HNRNPDL: variants seen among roughly 807,000 people sequenced by gnomAD.
The protein encoded by HNRNPDL is heterogeneous nuclear ribonucleoprotein D-like.
Under a neutral mutation model 48.0 loss-of-function variants are expected in HNRNPDL, and 18 were observed. The ratio of observed to expected loss-of-function variants is 0.38; its 90% CI spans 0.26 to 0.56. The LOEUF is 0.56. Ranked by LOEUF, HNRNPDL falls within the 20% of genes least tolerant of loss-of-function variation. The pLI is 0.77. For missense variants in HNRNPDL, 553 were observed against 540.7 expected, an observed-to-expected ratio of 1.02 and a Z score of -0.23; for synonymous variants, 306 against 207.3, an observed-to-expected ratio of 1.48 and a Z score of -4.09.
At position 82,427,186 on chromosome 4, in the gene HNRNPDL, TCACCTCGGCCACGACCCCTCGTAC is replaced by T; in HGVS notation, c.1001_1021+3del. The T allele has an allele frequency of 2.5e-6, 4 of 1,584,942 alleles. No homozygotes were observed. The highest frequency in any genetic ancestry group is 2.2e-5 in the East Asian group (1 of 44,766). ...GGAGTCATATTTCAAGAATTAAGTC[TCACCTCGGCCACGACCCCTCGTAC>T]CACCTCGTCCACCAGCTGCAGCACC... On this transcript the variant is annotated splice_donor_variant and splice_donor_region_variant and coding_sequence_variant and intron_variant, in exon 5 of 8. Coordinates refer to ENST00000295470, the MANE Select transcript of HNRNPDL (RefSeq NM_031372.4). LOFTEE classifies it high-confidence loss of function.
At chr4:82,427,137 C>G (rs763714871) in intron 5 of HNRNPDL, 53 bp downstream of exon 5, 36 of 1,129,386 alleles carry the variant, frequency 3.2e-5, no homozygotes, top group Middle Eastern at 2.0e-4. Context: ...TCATATTCAG[C>G]AGTATACAGC....
In HNRNPDL at chr4:82,429,379, C is replaced by A. The variant is rs1469863347; in HGVS notation, c.312G>T (p.Ala104=). The A allele has an allele frequency of 3.7e-6, 6 of 1,613,484 alleles. No individual in the cohort carries two copies. The highest frequency in any genetic ancestry group is 1.7e-5 in the Admixed American group (1 of 60,006). The change falls in exon 1 of 8, where the codon GCG becomes GCT. Residue 104 remains alanine, a synonymous_variant. Coordinates refer to ENST00000295470, the MANE Select transcript of HNRNPDL (RefSeq NM_031372.4). ...GGGGGTGCTGGCGCGCAGTCCGGGT[C>A]GCGGCAGCAGCGGCGGCGGAGCGTT... ...SIQRSAAAAA[A]TRTARQHPPA...
rs1721302355 is a variant in HNRNPDL at position 82,423,899 on chromosome 4, A to G, written c.*1007T>C. 1.3e-5 allele frequency: 2 copies of G among 152,214 alleles called. No individual in the cohort carries two copies. The highest frequency in any genetic ancestry group is 4.8e-5 in the African/African-American group (2 of 41,444). The allele number at this position is 152,214 out of a possible 1,614,324, so 9.4% of individuals were successfully genotyped here. A position where few individuals can be genotyped will look rare whatever the true frequency, so the allele number is the denominator to read the frequency against. On this transcript the variant is annotated 3_prime_UTR_variant, in exon 8 of 8. Coordinates refer to ENST00000295470, the MANE Select transcript of HNRNPDL (RefSeq NM_031372.4). ...ACTTAGTTCATGCACTGTGTCAAAAACTAGATTTACTATCAAGACTTTTTC... is the reference window on the plus strand; with the variant it reads ...ACTTAGTTCATGCACTGTGTCAAAAGCTAGATTTACTATCAAGACTTTTTC...
chr4:82,428,058 G>A lies in HNRNPDL; in HGVS notation c.734C>T (p.Ser245Phe). ...VFVGGLSPDTSEEQIKEYFGA... is the reference protein window; with the variant it reads ...VFVGGLSPDTFEEQIKEYFGA... ...AAAATATTCTTTAATTTGTTCTTCAGAAGTATCCGGGCTCAATCCACCCAC... is the reference window on the plus strand; with the variant it reads ...AAAATATTCTTTAATTTGTTCTTCAAAAGTATCCGGGCTCAATCCACCCAC... Residue 245 changes from serine to phenylalanine, a missense_variant, in exon 3 of 8, where the codon TCT (serine) becomes TTT (phenylalanine). Physicochemically the swap from Ser to Phe is radical, Grantham distance 155. Transcript: ENST00000295470. The A allele has an allele frequency of 6.2e-7, 1 of 1,614,154 alleles. No homozygotes were observed. Among genetic ancestry groups the A allele is most frequent in the Non-Finnish European group, 8.5e-7 (1 of 1,180,002 alleles).
At chr4:82,428,222 C>T (rs779361183) in intron 2 of HNRNPDL, 43 bp from the exon 3 acceptor site, 1 of 1,607,790 alleles carries the variant, frequency 6.2e-7, no homozygotes, top group Non-Finnish European at 8.5e-7. Context: ...CATATAACCC[C>T]CAGAAAAATT....
intron 7 of HNRNPDL, 65 bp downstream of exon 7, chr4:82,425,967 GTTTCA>G (rs766812584): frequency 4.1e-5 from 43 of 1,048,158 alleles, no homozygotes; most frequent in African/African-American, 9.5e-5. Flanking sequence ...TTGTTTTTAC[GTTTCA>G]TTTGTCTATT....
rs1326622894 is a variant in HNRNPDL, at chr4:82,427,244, C to G, written c.967G>C (p.Gly323Arg). 2 of 1,614,074 alleles carry G rather than the reference C, an allele frequency of 1.2e-6. No homozygotes were observed. Among genetic ancestry groups the G allele is most frequent in the Non-Finnish European group, 1.7e-6 (2 of 1,179,998 alleles). The change falls in exon 5 of 8, where the codon GGT becomes CGT. Residue 323 changes from glycine (G) to arginine (R), a missense_variant. By Grantham distance (125) the Gly-to-Arg change is moderately radical. Transcript: ENST00000295470. ...VYRQQQQQQK[G>R]GRGAAAGGRG... The stretch of plus-strand genomic sequence containing the variant: ...CCACCAGCTGCAGCACCTCTTCCAC[C>G]TTTTTGTTGTTGCTGTTGCTGCCTA...
At position 82,429,522 on chromosome 4, in the gene HNRNPDL, C is replaced by A. The variant is rs775253636; in HGVS notation, c.169G>T (p.Ala57Ser). Residue 57 changes from alanine to serine, a missense_variant, in exon 1 of 8, where the codon GCC (alanine) becomes TCC (serine). Physicochemically the swap from Ala to Ser is moderately conservative, Grantham distance 99. This residue lies in a region of HNRNPDL where 327 missense variants were observed against 203.2 expected (regional missense o/e 1.61). Coordinates refer to ENST00000295470, the MANE Select transcript of HNRNPDL (RefSeq NM_031372.4). ...PSSARQGARR[A>S]QRHVTAQQPS... ...TGCTGGGCGGTGACGTGGCGCTGGG[C>A]CCGGCGCGCCCCCTGCCGGGCGGAG... The A allele has an allele frequency of 5.4e-6, 8 of 1,493,010 alleles. No individual in the cohort carries two copies. The highest frequency in any genetic ancestry group is 1.5e-5 in the African/African-American group (1 of 68,928). The allele number at this position is 1,493,010 out of a possible 1,614,324, so 92.5% of individuals were successfully genotyped here.
At position 82,429,481 on chromosome 4, in the gene HNRNPDL, C is replaced by A; in HGVS notation, c.210G>T (p.Ala70=). 6.3e-7 allele frequency: 1 copy of A among 1,576,526 alleles called. No homozygotes were observed. The highest frequency in any genetic ancestry group is 1.1e-5 in the South Asian group (1 of 88,782). The change falls in exon 1 of 8, where the codon GCG becomes GCT. Residue 70 remains alanine, a synonymous_variant. Transcript: ENST00000295470. The part of the protein sequence containing the change: ...HVTAQQPSRL[A]GGAAIKGGRR... ...GCCCTCCCTTTATAGCCGCCCCGCC[C>A]GCCAATCGGGAGGGCTGCTGGGCGG...
chr4:82,425,012 T>C (rs1181716673), intron 7 of HNRNPDL, 129 bp from the exon 8 acceptor site: 2 of 152,210 alleles, frequency 1.3e-5, no homozygotes, highest in Non-Finnish European at 2.9e-5. Flanking sequence ...TGCATATTTA[T>C]TGGTAAAATA....
chr4:82,427,890 G>A (rs1721484846), intron 3 of HNRNPDL, 128 bp downstream of exon 3: 2 of 910,576 alleles, frequency 2.2e-6, no homozygotes, highest in Admixed American at 2.7e-5. Flanking sequence ...TACAGTCACT[G>A]GAAGCGACTT....
chr4:82,427,338 C>T (rs757487918), intron 4 of HNRNPDL, 34 bp from the exon 5 acceptor site: 2 of 1,534,072 alleles, frequency 1.3e-6, no homozygotes, highest in Non-Finnish European at 1.8e-6. Context: ...ATAATTTTTA[C>T]CGAAGTTCTA....
At position 82,427,322 on chromosome 4, in the gene HNRNPDL, G is replaced by T. The variant is rs1256574983; in HGVS notation, c.907-18C>A. 1 of 1,554,102 alleles carries T rather than the reference G, an allele frequency of 6.4e-7. No individual in the cohort carries two copies. The highest frequency in any genetic ancestry group is 8.7e-7 in the Non-Finnish European group (1 of 1,148,794). ...ATTTCACACTATAAACAAAAAACAT[G>T]AAAGTATAATTTTTACCGAAGTTCT... On this transcript the variant is annotated intron_variant, in intron 4 of 7. Transcript: ENST00000295470.
chr4:82,427,163 A>C (rs769784067), intron 5 of HNRNPDL, 27 bp downstream of exon 5: 2 of 1,381,074 alleles, frequency 1.4e-6, no homozygotes, highest in Non-Finnish European at 1.0e-6. Context: ...TAAACCACGG[A>C]GTCATATTTC....
rs1294153601 is a variant in HNRNPDL, at chr4:82,428,461, G to A, written c.444-15C>T. On this transcript the variant is annotated splice_polypyrimidine_tract_variant and intron_variant, in intron 1 of 7. Coordinates refer to ENST00000295470, the MANE Select transcript of HNRNPDL (RefSeq NM_031372.4). ...TAAACATTTTACTAGAAATAAAAGT[G>A]TTTTTAAAAAAAATTAACAATAACT... is the stretch of plus-strand genomic sequence containing the variant. 43 of 1,563,166 alleles carry A rather than the reference G, an allele frequency of 2.8e-5. No homozygotes were observed. Among genetic ancestry groups the A allele is most frequent in the Non-Finnish European group, 3.7e-5 (42 of 1,149,816 alleles).
Position 82,427,572 on chromosome 4 carries a change from C to T in HNRNPDL, c.775-8G>A. The T allele has an allele frequency of 1.2e-6, 2 of 1,606,928 alleles. No homozygotes were observed. Among genetic ancestry groups the T allele is most frequent in the Non-Finnish European group, 1.7e-6 (2 of 1,178,248 alleles). ...AAGTTCAATATTTTCAATCTGAAAT[C>T]GAGATGCACACTCAACGTCATCCCA... is the stretch of plus-strand genomic sequence containing the variant. On this transcript the variant is annotated splice_region_variant and splice_polypyrimidine_tract_variant and intron_variant, in intron 3 of 7. Transcript: ENST00000295470.
intron 6 of HNRNPDL, 151 bp from the exon 7 acceptor site, chr4:82,426,280 T>G (rs1203459946): frequency 5.8e-6 from 5 of 857,792 alleles, no homozygotes; most frequent in Non-Finnish European, 9.4e-6. Flanking sequence ...AAATCATACA[T>G]CCTAGTTCAT....
rs1291155045 is a variant in HNRNPDL at position 82,422,859 on chromosome 4, G to C, written c.*2047C>G. The C allele has an allele frequency of 1.3e-5, 2 of 152,178 alleles. No homozygotes were observed. The highest frequency in any genetic ancestry group is 2.4e-5 in the African/African-American group (1 of 41,440). The allele number at this position is 152,178 out of a possible 1,614,324, so 9.4% of individuals were successfully genotyped here. ...TGTAAAAAACATACACAGAGTATTT[G>C]TTATAGGTACTTTAGAATTCATTTC... On this transcript the variant is annotated 3_prime_UTR_variant, in exon 8 of 8. Transcript: ENST00000295470.
At chr4:82,427,829 T>C (rs1198148252) in intron 3 of HNRNPDL, among the ~76,000 whole-genome samples, 189 bp downstream of exon 3, 2 of 152,266 alleles carry the variant, frequency 1.3e-5, no homozygotes, top group African/African-American at 4.8e-5. Context: ...TGCCCATGTT[T>C]TAGCTAAATT....
Sources: gnomAD v4.1 joint callset for allele counts (sites outside exome capture counted in the v4.1 genomes callset) on GRCh38, gnomAD v4.1.1 for gene constraint, gnomAD v4.1.1 regional missense constraint, MANE v1.5 for transcripts, NCBI Gene and HGNC (gene_info 2026-07-23, HGNC 2026-07-21) for gene names.